TMEM248: variants seen among roughly 807,000 people sequenced by gnomAD.
TMEM248 encodes the protein UPF0458 protein C7orf42.
A neutral mutation model predicts 30.3 loss-of-function variants in TMEM248; 9 were observed. That is an observed-to-expected ratio of 0.30 (90% confidence interval 0.18 to 0.52). TMEM248 has a LOEUF of 0.52. TMEM248 is among the 20% of genes least tolerant of loss of function. The probability of loss-of-function intolerance (pLI) is 0.97; values close to 1 mark genes in which losing one functional copy is unlikely to be tolerated. For missense variants in TMEM248, 338 were observed against 403.3 expected (o/e 0.84, Z 1.39); for synonymous variants, 184 against 154.4 (o/e 1.19, Z -1.42).
intron 3 of TMEM248, among the ~76,000 whole-genome samples, chr7:66,947,544 A>G (rs1792142730): frequency 6.6e-6 from 1 of 152,004 alleles, no homozygotes; most frequent in Non-Finnish European, 1.5e-5. Flanking sequence ...CTGGGATTAT[A>G]GGTTCGTGAC....
rs1163213015 is a variant in TMEM248 at position 66,955,613 on chromosome 7, A to G, written c.*91A>G. ...CTGGGCCTGGATGCTCTGTGAATACATTATCTTGCGATGTTGGGTTATTCC... is the reference window on the plus strand; with the variant it reads ...CTGGGCCTGGATGCTCTGTGAATACGTTATCTTGCGATGTTGGGTTATTCC... On this transcript the variant is annotated 3_prime_UTR_variant, in exon 7 of 7. Coordinates refer to ENST00000341567, the MANE Select transcript of TMEM248 (RefSeq NM_017994.5). 1.3e-5 allele frequency: 19 copies of G among 1,468,526 alleles called. No individual in the cohort carries two copies. Among genetic ancestry groups the G allele is most frequent in the Non-Finnish European group, 1.7e-5 (18 of 1,058,606 alleles). The allele number at this position is 1,468,526 out of a possible 1,614,324, so 91.0% of individuals were successfully genotyped here.
At chr7:66,952,983 G>A (rs1485978928) in intron 5 of TMEM248, among the ~76,000 whole-genome samples, 3 of 152,198 alleles carry the variant, frequency 2.0e-5, no homozygotes, top group African/African-American at 7.2e-5. Flanking sequence ...AGAAGGCAGG[G>A]CAGAGGACAG....
intron 5 of TMEM248, among the ~76,000 whole-genome samples, chr7:66,952,018 T>C (rs1432377001): frequency 1.3e-5 from 2 of 152,162 alleles, no homozygotes; most frequent in East Asian, 1.9e-4. Flanking sequence ...TTTCTGGCAG[T>C]GTGTGTTAGC....
intron 1 of TMEM248, among the ~76,000 whole-genome samples, chr7:66,931,297 C>CA (rs758131446): frequency 0.013 from 836 of 63,740 alleles, 11 homozygotes; most frequent in East Asian, 0.029. Flanking sequence ...GACAATATCT[C>CA]AAAAAAAAAA....
At position 66,955,753 on chromosome 7, in the gene TMEM248, C is replaced by T; in HGVS notation, c.*231C>T. On this transcript the variant is annotated 3_prime_UTR_variant, in exon 7 of 7. Coordinates refer to ENST00000341567, the MANE Select transcript of TMEM248 (RefSeq NM_017994.5). ...CCTGGGTACAGCCAGAGCCCTTCAA[C>T]CCCACCTTGGACTTGAGGACCTACC... The T allele has an allele frequency of 1.9e-6, 1 of 518,602 alleles. No individual in the cohort carries two copies. The highest frequency in any genetic ancestry group is 3.3e-5 in the East Asian group (1 of 30,046). The allele number at this position is 518,602 out of a possible 1,614,324, so 32.1% of individuals were successfully genotyped here. A position where few individuals can be genotyped will look rare whatever the true frequency, so the allele number is the denominator to read the frequency against.
At chr7:66,955,012 A>C (rs980472544) in intron 6 of TMEM248, among the ~76,000 whole-genome samples, 4 of 152,214 alleles carry the variant, frequency 2.6e-5, no homozygotes, top group African/African-American at 9.6e-5. Flanking sequence ...CTGTAATCCC[A>C]GGACTTTTAG....
At chr7:66,953,853 G>A (rs1040025422) in intron 6 of TMEM248, among the ~76,000 whole-genome samples, 4 of 150,968 alleles carry the variant, frequency 2.6e-5, no homozygotes, top group East Asian at 1.9e-4. Context: ...TGATCCACCC[G>A]CCTTGGCCTC....
At chr7:66,926,631 A>G (rs1442994322) in intron 1 of TMEM248, among the ~76,000 whole-genome samples, 3 of 146,678 alleles carry the variant, frequency 2.0e-5, no homozygotes, top group Non-Finnish European at 4.5e-5. Context: ...GCAAGACTCC[A>G]TCTGAAACAA....
intron 1 of TMEM248, among the ~76,000 whole-genome samples, chr7:66,938,383 G>A (rs564176541): frequency 6.6e-6 from 1 of 152,076 alleles, no homozygotes; most frequent in South Asian, 2.1e-4. Flanking sequence ...TTGATAGTGA[G>A]GGTTGTTGTT....
chr7:66,939,043 TGTTTC>T (rs1440988326), intron 1 of TMEM248, among the ~76,000 whole-genome samples: 3 of 152,232 alleles, frequency 2.0e-5, no homozygotes, highest in African/African-American at 7.2e-5. Context: ...AAAGATGCTT[TGTTTC>T]AGGGAGATAC....
chr7:66,948,161 A>C (rs112300222), intron 3 of TMEM248, among the ~76,000 whole-genome samples: 1 of 152,332 alleles, frequency 6.6e-6, no homozygotes, highest in African/African-American at 2.4e-5. Flanking sequence ...GCACTTCTTC[A>C]GTCATGTTCA....
chr7:66,942,547 G>A (rs759755868), intron 2 of TMEM248, among the ~76,000 whole-genome samples: 12 of 152,174 alleles, frequency 7.9e-5, no homozygotes, highest in Non-Finnish European at 1.3e-4. Context: ...CTAGTCTGGA[G>A]TGCAGTGGCG....
In TMEM248 at chr7:66,953,256, A is replaced by G. The variant is rs773753386; in HGVS notation, c.811A>G (p.Met271Val). The change falls in exon 6 of 7, where the codon ATG (methionine) becomes GTG (valine). Residue 271 changes from methionine to valine, a missense_variant. Coordinates refer to ENST00000341567, the MANE Select transcript of TMEM248 (RefSeq NM_017994.5). ...DDRSLINLHL[M>V]HTSYFLFVMV... ...CCGTTCATTAATAAATTTGCATCTC[A>G]TGCACACCAGTTACTTCCTCTTTGT... 1.9e-5 allele frequency: 31 copies of G among 1,613,810 alleles called. No individual in the cohort carries two copies. The highest frequency in any genetic ancestry group is 6.7e-5 in the Admixed American group (4 of 59,990).
At chr7:66,921,948 C>T (rs1383330737) in intron 1 of TMEM248, 2 of 152,202 alleles carry the variant, frequency 1.3e-5, no homozygotes, top group Admixed American at 6.5e-5. Flanking sequence ...TGGATTCTTT[C>T]TTCATGTTTT....
At position 66,955,631 on chromosome 7, in the gene TMEM248, G is replaced by A. The variant is rs544203656; in HGVS notation, c.*109G>A. The A allele has an allele frequency of 2.9e-4, 387 of 1,329,326 alleles. No individual in the cohort carries two copies. Among genetic ancestry groups the A allele is most frequent in the Non-Finnish European group, 3.8e-4 (364 of 945,768 alleles). 82.3% of individuals were successfully genotyped at this position (1,329,326 alleles called of 1,614,324 possible). The stretch of plus-strand genomic sequence containing the variant: ...TGAATACATTATCTTGCGATGTTGG[G>A]TTATTCCAGCCAAAGACATTTCAAG... On this transcript the variant is annotated 3_prime_UTR_variant, in exon 7 of 7. Transcript: ENST00000341567.
intron 5 of TMEM248, chr7:66,951,350 T>G (rs1792265073): frequency 2.4e-6 from 1 of 416,964 alleles, no homozygotes; most frequent in Non-Finnish European, 4.2e-6. Context: ...GTTTTTCTCT[T>G]CATTTTCTCT....
In TMEM248 at chr7:66,958,542, T is replaced by G. The variant is rs901553080; in HGVS notation, c.*3020T>G. On this transcript the variant is annotated 3_prime_UTR_variant, in exon 7 of 7. Coordinates refer to ENST00000341567, the MANE Select transcript of TMEM248 (RefSeq NM_017994.5). ...CATATGTGCTTTACAGAATAAAACATCTGAATTTATTTGCTCCGCGTCTTC... is the reference window on the plus strand; with the variant it reads ...CATATGTGCTTTACAGAATAAAACAGCTGAATTTATTTGCTCCGCGTCTTC... The G allele has an allele frequency of 6.5e-6, 1 of 152,680 alleles. No homozygotes were observed. The highest frequency in any genetic ancestry group is 2.4e-5 in the African/African-American group (1 of 41,468). The allele number at this position is 152,680 out of a possible 1,614,324, so 9.5% of individuals were successfully genotyped here.
intron 1 of TMEM248, among the ~76,000 whole-genome samples, chr7:66,927,132 A>G (rs1791545556): frequency 6.6e-6 from 1 of 152,230 alleles, no homozygotes; most frequent in African/African-American, 2.4e-5. Flanking sequence ...TTATTTAAAA[A>G]ACTAAAGAAC....
chr7:66,936,705 G>C (rs2129222741), intron 1 of TMEM248, among the ~76,000 whole-genome samples: 1 of 152,244 alleles, frequency 6.6e-6, no homozygotes, highest in South Asian at 2.1e-4. Context: ...GTGTGTATAG[G>C]AATTCATCCA....
Sources: allele counts gnomAD v4.1 joint callset (sites outside exome capture counted in the v4.1 genomes callset), GRCh38; gene constraint gnomAD v4.1.1; transcripts MANE v1.5; gene names NCBI Gene and HGNC (gene_info 2026-07-23, HGNC 2026-07-21).